The following CYP51A1 variants were observed in gnomAD, a reference collection of about 807,000 sequenced individuals.
CYP51A1 encodes the protein lanosterol 14-alpha demethylase.
In CYP51A1, 45 loss-of-function variants were observed where a neutral mutation model predicts 53.5. The observed-to-expected ratio is 0.84, with a 90% CI of 0.66 to 1.08. CYP51A1 has a LOEUF of 1.08. Among genes scored for constraint, CYP51A1 ranks in the 50% least tolerant of loss-of-function variants. The pLI is 0.00. For missense variants in CYP51A1, 462 were observed against 621.7 expected (o/e 0.74, Z 2.73); for synonymous variants, 181 against 217.7 (o/e 0.83, Z 1.48).
At chr7:92,124,852 T>C (rs1819762684) in intron 5 of CYP51A1, among the ~76,000 whole-genome samples, 3 of 152,082 alleles carry the variant, frequency 2.0e-5, no homozygotes, top group African/African-American at 7.2e-5. Context: ...GGTAGAAATG[T>C]ACATTTATGG....
rs563098505 is a variant in CYP51A1, at chr7:92,113,811, A to C, written c.1384T>G (p.Tyr462Asp). 3 of 1,607,354 alleles carry C rather than the reference A, an allele frequency of 1.9e-6. No homozygotes were observed. Among genetic ancestry groups the C allele is most frequent in the Admixed American group, 1.7e-5 (1 of 57,760 alleles). The change falls in exon 10 of 10, where the codon TAT becomes GAT. Residue 462 changes from tyrosine to aspartate, a missense_variant. Coordinates refer to ENST00000003100, the MANE Select transcript of CYP51A1 (RefSeq NM_000786.4). ...RHRCIGENFA[Y>D]VQIKTIWSTM... The stretch of plus-strand genomic sequence containing the variant: ...GACCAAATTGTCTTAATTTGAACAT[A>C]GGCAAAATTTTCCCCAATACAACGA...
At position 92,118,102 on chromosome 7, in the gene CYP51A1, T is replaced by TA. The variant is rs539906997; in HGVS notation, c.1182+417dup. 1.1e-3 allele frequency among the ~76,000 whole-genome samples: 160 copies of TA among 152,278 alleles called. 1 individual carries two copies. The highest frequency in any genetic ancestry group is 3.6e-3 in the African/African-American group (149 of 41,576). On this transcript the variant is annotated intron_variant, in intron 8 of 9. Coordinates refer to ENST00000003100, the MANE Select transcript of CYP51A1 (RefSeq NM_000786.4). ...AAGTGATTATTCTACTTTTTTAATT[T>TA]AAAAAAATCTCTTTTATGCTACTCT...
At chr7:92,121,113 A>C (rs1819683175) in intron 7 of CYP51A1, among the ~76,000 whole-genome samples, 1 of 152,130 alleles carries the variant, frequency 6.6e-6, no homozygotes, top group Non-Finnish European at 1.5e-5. Flanking sequence ...AATATGGTAC[A>C]ACCTTGTCTC....
At chr7:92,129,084 T>C (rs1261762196) in intron 2 of CYP51A1, 28 bp from the exon 3 acceptor site, 1 of 1,497,684 alleles carries the variant, frequency 6.7e-7, no homozygotes, top group Non-Finnish European at 9.0e-7. Flanking sequence ...CATATAGTGA[T>C]GTTACAAAAA....
At chr7:92,126,579 A>T (rs1819805923) in intron 4 of CYP51A1, 152 bp from the exon 5 acceptor site, 1 of 656,214 alleles carries the variant, frequency 1.5e-6, no homozygotes, top group Non-Finnish European at 2.5e-6. Context: ...AACAACAAAG[A>T]GGGGCAATAA....
rs1206256829 is a variant in CYP51A1, at chr7:92,131,786, A to G, written c.279T>C (p.Asn93=). 1.3e-6 allele frequency: 2 copies of G among 1,535,992 alleles called. No individual in the cohort carries two copies. The highest frequency in any genetic ancestry group is 2.3e-5 in the East Asian group (1 of 44,008). The change falls in exon 2 of 10, where the codon AAT becomes AAC. Residue 93 remains asparagine (N), a synonymous_variant. Coordinates refer to ENST00000003100, the MANE Select transcript of CYP51A1 (RefSeq NM_000786.4). ...TTGGAAGACTTACCTTCTCATATGC[A>G]TTTTCTAGAAATTCAATTGGACTTT... The part of the protein sequence containing the change: ...FGKSPIEFLE[N]AYEKYGPVFS...
chr7:92,122,759 G>A (rs1819716606), intron 7 of CYP51A1, among the ~76,000 whole-genome samples: 1 of 152,088 alleles, frequency 6.6e-6, no homozygotes. Flanking sequence ...TCATGCCCAG[G>A]CCACTCTGGA....
At chr7:92,126,029 C>T (rs1022082457) in intron 5 of CYP51A1, among the ~76,000 whole-genome samples, 1 of 152,046 alleles carries the variant, frequency 6.6e-6, no homozygotes, top group Admixed American at 6.6e-5. Context: ...TTAGACTAGA[C>T]AGACAACAAA....
chr7:92,121,112 C>T (rs962058383), intron 7 of CYP51A1, among the ~76,000 whole-genome samples: 1 of 151,928 alleles, frequency 6.6e-6, no homozygotes, highest in Non-Finnish European at 1.5e-5. Flanking sequence ...CAATATGGTA[C>T]AACCTTGTCT....
At chr7:92,134,571 C>G (rs535747801), upstream of CYP51A1, 1 of 562,568 alleles carries the variant, frequency 1.8e-6, no homozygotes, top group South Asian at 2.4e-5. Context: ...TTAAATAACA[C>G]TCTGTGAAGC....
chr7:92,128,467 T>TGTGTGTGC (rs1563181297), intron 3 of CYP51A1, among the ~76,000 whole-genome samples: 8 of 150,332 alleles, frequency 5.3e-5, no homozygotes, highest in South Asian at 2.1e-4. Flanking sequence ...CGCGTGCGTG[T>TGTGTGTGC]GTGTGTGTGT....
intron 6 of CYP51A1, 96 bp downstream of exon 6, chr7:92,123,638 C>T: frequency 8.3e-7 from 1 of 1,200,544 alleles, no homozygotes; most frequent in South Asian, 1.5e-5. Context: ...ACTTATTTTG[C>T]CAGCATCACT....
intron 7 of CYP51A1, among the ~76,000 whole-genome samples, chr7:92,119,392 G>T (rs1027554254): frequency 6.6e-6 from 1 of 152,144 alleles, no homozygotes; most frequent in Non-Finnish European, 1.5e-5. Context: ...AGGCAGACTT[G>T]TAACTGCCTG....
At chr7:92,127,439 T>A (rs57218044) in intron 4 of CYP51A1, 66 bp downstream of exon 4, 1 of 1,473,390 alleles carries the variant, frequency 6.8e-7, no homozygotes, top group South Asian at 1.3e-5. Context: ...TACACACATA[T>A]ATACTCTACT....
chr7:92,115,765 T>A lies in CYP51A1; in HGVS notation c.1351+1279A>T, dbSNP rs1435190091. On this transcript the variant is annotated intron_variant, in intron 9 of 9. Transcript: ENST00000003100. ...TGGTTAGGACCAACTATAAATGAGA[T>A]GTTAAAAAGAAACAGATTTCAGCTT... 6.6e-5 allele frequency among the ~76,000 whole-genome samples: 10 copies of A among 151,840 alleles called. No individual in the cohort carries two copies. The East Asian group carries it at 1.7e-3, about 26-fold the overall frequency.
chr7:92,123,335 C>T lies in CYP51A1; in HGVS notation c.891-20G>A, dbSNP rs774371832. 5.0e-6 allele frequency: 8 copies of T among 1,590,376 alleles called. No individual in the cohort carries two copies. The South Asian group carries it at 6.8e-5, about 14-fold the overall frequency. The stretch of plus-strand genomic sequence containing the variant: ...CCATCCCTAAGGAATGAACCAAAGA[C>T]ACAAATTTAACATTTTGGCAGATAC... On this transcript the variant is annotated intron_variant, in intron 6 of 9. Transcript: ENST00000003100.
intron 2 of CYP51A1, among the ~76,000 whole-genome samples, chr7:92,131,494 T>C (rs1819916812): frequency 1.3e-5 from 2 of 152,186 alleles, no homozygotes; most frequent in South Asian, 2.1e-4. Flanking sequence ...AATAAGTGAA[T>C]AGAAAACTCA....
At position 92,131,771 on chromosome 7, in the gene CYP51A1, T is replaced by TA; in HGVS notation, c.291+2dup. 6.9e-7 allele frequency: 1 copy of TA among 1,442,066 alleles called. No individual in the cohort carries two copies. Among genetic ancestry groups the TA allele is most frequent in the Non-Finnish European group, 9.6e-7 (1 of 1,046,354 alleles). 89.3% of individuals were successfully genotyped at this position (1,442,066 alleles called of 1,614,324 possible). The stretch of plus-strand genomic sequence containing the variant: ...TTTTCCTCTAATTATTTGGAAGACT[T>TA]ACCTTCTCATATGCATTTTCTAGAA... On this transcript the variant is annotated splice_region_variant and intron_variant, in intron 2 of 9. Coordinates refer to ENST00000003100, the MANE Select transcript of CYP51A1 (RefSeq NM_000786.4).
intron 6 of CYP51A1, 31 bp downstream of exon 6, chr7:92,123,703 C>T (rs764353380): frequency 3.8e-6 from 6 of 1,565,082 alleles, no homozygotes; most frequent in Non-Finnish European, 5.2e-6. Context: ...TTTCCTGCTT[C>T]AGCTTAATAT....
Sources: gnomAD v4.1 joint callset for allele counts (sites outside exome capture counted in the v4.1 genomes callset) on GRCh38, gnomAD v4.1.1 for gene constraint, MANE v1.5 for transcripts, NCBI Gene and HGNC (gene_info 2026-07-23, HGNC 2026-07-21) for gene names.